The following C11orf65 variants were observed in gnomAD, a reference collection of about 807,000 sequenced individuals.
C11orf65 encodes protein MFI.
Under a neutral mutation model 35.3 loss-of-function variants are expected in C11orf65, and 38 were observed. The ratio of observed to expected loss-of-function variants is 1.08; its 90% confidence interval spans 0.83 to 1.41. The LOEUF is 1.41. Among genes scored for constraint, C11orf65 ranks in the 40% most tolerant of loss-of-function variants. The probability of loss-of-function intolerance (pLI) is 0.00; values close to 1 mark genes in which losing one functional copy is unlikely to be tolerated. For synonymous variants in C11orf65, 105 were observed against 114.4 expected, an observed-to-expected ratio of 0.92 and a Z score of 0.53; for missense variants, 370 against 367.1, an observed-to-expected ratio of 1.01 and a Z score of -0.06.
chr11:108,438,003 C>T (rs1015003750), intron 2 of C11orf65, among the ~76,000 whole-genome samples: 9 of 152,086 alleles, frequency 5.9e-5, no homozygotes, highest in Non-Finnish European at 7.4e-5. Flanking sequence ...GATTTCAAAA[C>T]TTACTAAAGC....
intron 6 of C11orf65, among the ~76,000 whole-genome samples, chr11:108,399,950 T>A (rs2092407241): frequency 6.6e-6 from 1 of 152,186 alleles, no homozygotes. Context: ...TGTGCTGTGA[T>A]TCTCCCATTA....
Position 108,411,995 on chromosome 11 carries a change from C to T in C11orf65, c.175-4846G>A, listed in dbSNP as rs111283686. On this transcript the variant is annotated intron_variant, in intron 3 of 8. Coordinates refer to ENST00000393084, the MANE Select transcript of C11orf65 (RefSeq NM_152587.5). ...TTCACCACGTTGGCCAAGCTGGTCTCGAATGCCTGACCTCAAGTTATCCAC... is the reference window on the plus strand; with the variant it reads ...TTCACCACGTTGGCCAAGCTGGTCTTGAATGCCTGACCTCAAGTTATCCAC... 2.6e-3 allele frequency among the ~76,000 whole-genome samples: 388 copies of T among 152,062 alleles called. 3 individuals carry two copies. The highest frequency in any genetic ancestry group is 9.0e-3 in the African/African-American group (373 of 41,480).
At chr11:108,451,735 AC>A (rs1409333898) in intron 2 of C11orf65, among the ~76,000 whole-genome samples, 2 of 152,208 alleles carry the variant, frequency 1.3e-5, no homozygotes, top group Non-Finnish European at 2.9e-5. Context: ...TGGAGGCATC[AC>A]GCTACCTGAC....
chr11:108,455,991 C>T (rs2093407979), intron 2 of C11orf65, among the ~76,000 whole-genome samples: 1 of 151,692 alleles, frequency 6.6e-6, no homozygotes, highest in African/African-American at 2.4e-5. Context: ...ACCCCATCTA[C>T]AAAAAGTACA....
At chr11:108,461,213 C>T (rs901012279) in intron 2 of C11orf65, among the ~76,000 whole-genome samples, 1 of 152,054 alleles carries the variant, frequency 6.6e-6, no homozygotes, top group African/African-American at 2.4e-5. Flanking sequence ...ACCAGCCTGG[C>T]CAACATGGTG....
At chr11:108,354,918 G>T in intron 2 of C11orf65, 1 of 1,496,382 alleles carries the variant, frequency 6.7e-7, no homozygotes, top group Non-Finnish European at 9.3e-7. Flanking sequence ...TTCTTACCAG[G>T]TAGACTGTGT....
rs1591413738 is a variant in C11orf65, at chr11:108,375,188, G to A, written c.226+18020C>T. On this transcript the variant is annotated intron_variant, in intron 2 of 3. Transcript: ENST00000524755. ...GCAACTCCAAGACACATAATTGTCA[G>A]ATTCACCAAAGTTGAAATGAAGGAA... Among the ~76,000 whole-genome samples the A allele has an allele frequency of 2.6e-5, 4 of 151,634 alleles. No individual in the cohort carries two copies. In the South Asian group the frequency reaches 8.3e-4, roughly 32 times the overall value.
intron 2 of C11orf65, chr11:108,353,656 T>C (rs2137279038): frequency 1.2e-6 from 1 of 862,822 alleles, no homozygotes. Flanking sequence ...CTAGTGTTCA[T>C]AGAACGTAGG....
chr11:108,333,125 T>TC (rs1371822056), intron 3 of C11orf65, among the ~76,000 whole-genome samples: 1 of 152,212 alleles, frequency 6.6e-6, no homozygotes, highest in Non-Finnish European at 1.5e-5. Context: ...TTTGATTTCT[T>TC]CTGATAATCT....
intron 2 of C11orf65, among the ~76,000 whole-genome samples, chr11:108,376,899 C>T (rs200322001): frequency 1.6e-4 from 25 of 151,760 alleles, no homozygotes; most frequent in South Asian, 4.2e-4. Context: ...ATAAATTCCT[C>T]GACACATACA....
At chr11:108,407,454 G>C (rs2092562853) in intron 3 of C11orf65, among the ~76,000 whole-genome samples, 1 of 151,450 alleles carries the variant, frequency 6.6e-6, no homozygotes, top group South Asian at 2.1e-4. Context: ...TGAGACTACA[G>C]GTGTGCACCA....
chr11:108,443,293 C>T (rs546376660), intron 2 of C11orf65, among the ~76,000 whole-genome samples: 1 of 151,134 alleles, frequency 6.6e-6, no homozygotes, highest in African/African-American at 2.4e-5. Context: ...AATATATATG[C>T]ACCCAATACA....
At chr11:108,365,196 C>A (rs147695170) in intron 2 of C11orf65, 1 of 1,614,148 alleles carries the variant, frequency 6.2e-7, no homozygotes, top group Non-Finnish European at 8.5e-7. Context: ...TGCAGATGAC[C>A]AAGAATGCAA....
At chr11:108,431,906 A>C (rs2092995746) in intron 2 of C11orf65, 68 bp from the exon 3 acceptor site, 1 of 897,300 alleles carries the variant, frequency 1.1e-6, no homozygotes, top group African/African-American at 1.7e-5. Context: ...CTTTTTGTCT[A>C]ATCAGGGCAA....
At chr11:108,449,494 C>T (rs891082696) in intron 2 of C11orf65, among the ~76,000 whole-genome samples, 1 of 151,928 alleles carries the variant, frequency 6.6e-6, no homozygotes, top group African/African-American at 2.4e-5. Context: ...TATCTACAAC[C>T]ATCTGCTCTT....
chr11:108,456,495 G>C (rs1204938913), intron 2 of C11orf65, among the ~76,000 whole-genome samples: 3 of 152,080 alleles, frequency 2.0e-5, no homozygotes, highest in Non-Finnish European at 2.9e-5. Context: ...TGAAGAAAAA[G>C]TGGTGGCTGG....
intron 3 of C11orf65, among the ~76,000 whole-genome samples, chr11:108,411,823 T>C (rs1462319892): frequency 6.6e-6 from 1 of 151,856 alleles, no homozygotes; most frequent in Non-Finnish European, 1.5e-5. Flanking sequence ...AGTCTCGCTC[T>C]GTCATCCAGG....
chr11:108,448,584 AC>A (rs1410908966), intron 2 of C11orf65, among the ~76,000 whole-genome samples: 5 of 152,152 alleles, frequency 3.3e-5, no homozygotes, highest in Non-Finnish European at 5.9e-5. Flanking sequence ...AAATTCAACA[AC>A]CCTTCATGCT....
chr11:108,340,293 C>G (rs1246442328), intron 2 of C11orf65: 1 of 152,126 alleles, frequency 6.6e-6, no homozygotes, highest in African/African-American at 2.4e-5. Context: ...CTCTTTCCAC[C>G]AACTTCCTTC....
Sources: allele counts gnomAD v4.1 joint callset (sites outside exome capture counted in the v4.1 genomes callset), GRCh38; gene constraint gnomAD v4.1.1; transcripts MANE v1.5; gene names NCBI Gene and HGNC (gene_info 2026-07-23, HGNC 2026-07-21).